FAAP20: variants seen among roughly 807,000 people sequenced by gnomAD.
FAAP20 encodes the protein Fanconi anemia core complex-associated protein 20.
Under a neutral mutation model 16.2 loss-of-function variants are expected in FAAP20, and 12 were observed. That is an observed-to-expected ratio of 0.74 (90% confidence interval 0.48 to 1.20). The LOEUF is 1.20. Ranked by LOEUF, FAAP20 falls within the 50% of genes most tolerant of loss-of-function variation. The probability of loss-of-function intolerance (pLI) is 0.00; values close to 1 mark genes in which losing one functional copy is unlikely to be tolerated. For missense variants in FAAP20, 288 were observed against 245.8 expected, an observed-to-expected ratio of 1.17 and a Z score of -1.15; for synonymous variants, 141 against 110.7, an observed-to-expected ratio of 1.27 and a Z score of -1.72.
downstream of FAAP20, among the ~76,000 whole-genome samples, chr1:2,210,523 T>C (rs924986230): frequency 6.6e-5 from 10 of 152,240 alleles, no homozygotes; most frequent in East Asian, 1.5e-3. Flanking sequence ...CAGGCTCTGC[T>C]TCGGCAATGA....
upstream of FAAP20, among the ~76,000 whole-genome samples, chr1:2,204,803 C>A (rs1340696639): frequency 3.3e-5 from 5 of 152,266 alleles, no homozygotes; most frequent in East Asian, 9.7e-4. Context: ...CCTCCCGCCG[C>A]CGGCTCACCC....
At chr1:2,211,435 ATTTTTTTTTT>A (rs1164460550), downstream of FAAP20, among the ~76,000 whole-genome samples, 17 of 8,558 alleles carry the variant, frequency 2.0e-3, no homozygotes, top group Admixed American at 0.017. Context: ...ATATATATAT[ATTTTTTTTTT>A]TTTTTTTTTT....
downstream of FAAP20, among the ~76,000 whole-genome samples, chr1:2,188,021 T>C (rs1328155955): frequency 2.0e-5 from 3 of 152,228 alleles, no homozygotes; most frequent in Non-Finnish European, 4.4e-5. Context: ...TTCTTTCCCT[T>C]AGTGATCTGC....
chr1:2,212,398 A>C (rs971780550), exon 2 of FAAP20: 1 of 153,546 alleles, frequency 6.5e-6, no homozygotes, highest in Non-Finnish European at 1.5e-5. Flanking sequence ...GCTGCCCCCA[A>C]GGACAGACGG....
upstream of FAAP20, among the ~76,000 whole-genome samples, chr1:2,195,190 C>T (rs927121342): frequency 3.4e-4 from 52 of 152,378 alleles, no homozygotes; most frequent in African/African-American, 1.2e-3. Context: ...ACCACCGTTT[C>T]TTTACAAAAG....
intron 3 of FAAP20, chr1:2,206,264 C>T (rs1161757565): frequency 6.6e-6 from 1 of 152,324 alleles, no homozygotes; most frequent in African/African-American, 2.4e-5. Flanking sequence ...CGGGGTCCCC[C>T]TGTGTCTCCT....
chr1:2,185,673 A>G (rs79836022), downstream of FAAP20, among the ~76,000 whole-genome samples: 183 of 152,310 alleles, frequency 1.2e-3, no homozygotes, highest in African/African-American at 4.1e-3. Flanking sequence ...CGATGGGGGA[A>G]ATTGGATCAT....
chr1:2,199,391 C>CCCCAGCCCAGCCCAGCCCAG (rs909082705), upstream of FAAP20: 1 of 1,024,608 alleles, frequency 9.8e-7, no homozygotes, highest in African/African-American at 1.7e-5. This position sits in a 1 kb window ranked among gnomAD's most constrained non-coding sequence, Gnocchi z 4.5. Context: ...GGAGAAGCTT[C>CCCCAGCCCAGCCCAGCCCAG]CCCAGCCCAG....
At chr1:2,195,944 G>T (rs931649015), upstream of FAAP20, among the ~76,000 whole-genome samples, 1 of 152,206 alleles carries the variant, frequency 6.6e-6, no homozygotes, top group Non-Finnish European at 1.5e-5. Flanking sequence ...GAGATGCAGC[G>T]CTGAGTGCTG....
intron 3 of FAAP20, chr1:2,192,989 G>A (rs1173493184): frequency 1.5e-6 from 2 of 1,303,820 alleles, no homozygotes; most frequent in African/African-American, 3.0e-5. Context: ...GAAGACCAGG[G>A]GCATCAGGCA....
chr1:2,194,144 C>CAG lies in FAAP20; in HGVS notation c.63-13_63-12dup, dbSNP rs555916258. On this transcript the variant is annotated splice_polypyrimidine_tract_variant and intron_variant, in intron 1 of 3. Coordinates refer to ENST00000378546, the MANE Select transcript of FAAP20 (RefSeq NM_182533.4). Reference sequence around the variant, plus strand: ...CGGCCGCCAGAAGGCCTGGGGCAGACAGAGAGGGCAGACAGGGGGTACTCA... The same window carrying CAG: ...CGGCCGCCAGAAGGCCTGGGGCAGACAGAGAGAGGGCAGACAGGGGGTACTCA... 6.2e-7 allele frequency: 1 copy of CAG among 1,611,198 alleles called. No individual in the cohort carries two copies. The highest frequency in any genetic ancestry group is 8.5e-7 in the Non-Finnish European group (1 of 1,179,552).
chr1:2,204,506 C>A (rs529434769), upstream of FAAP20, among the ~76,000 whole-genome samples: 11 of 152,208 alleles, frequency 7.2e-5, no homozygotes, highest in Non-Finnish European at 1.5e-4. Context: ...CGTGACTTGG[C>A]GATCCCGGTG....
At chr1:2,191,462 G>C (rs1172071269) in intron 3 of FAAP20, 1 of 152,544 alleles carries the variant, frequency 6.6e-6, no homozygotes, top group Admixed American at 6.5e-5. Context: ...AAATCCCAAC[G>C]ACCGGCCGGG....
chr1:2,203,772 C>T (rs1689136381), upstream of FAAP20: 1 of 394,122 alleles, frequency 2.5e-6, no homozygotes, highest in African/African-American at 2.2e-5. Context: ...CAGGGACCAG[C>T]CTGTTCACCC....
chr1:2,195,587 G>A (rs986338854), upstream of FAAP20, among the ~76,000 whole-genome samples: 1 of 152,236 alleles, frequency 6.6e-6, no homozygotes, highest in Admixed American at 6.5e-5. Context: ...GCAGCTTTGG[G>A]GCTATGCTGG....
intron 1 of FAAP20, 52 bp from the exon 2 acceptor site, chr1:2,194,185 T>C (rs1421044614): frequency 1.3e-6 from 2 of 1,598,728 alleles, no homozygotes; most frequent in African/African-American, 1.4e-5. Context: ...GGAAACGCTA[T>C]GGTGGGGAGA....
upstream of FAAP20, chr1:2,197,968 C>G (rs748319232): frequency 7.8e-7 from 1 of 1,274,116 alleles, no homozygotes; most frequent in South Asian, 1.2e-5. Context: ...ACTCAAGACT[C>G]TCAAGACAAG....
intron 3 of FAAP20, among the ~76,000 whole-genome samples, chr1:2,205,437 G>A (rs893412813): frequency 9.9e-5 from 15 of 150,816 alleles, no homozygotes; most frequent in African/African-American, 1.9e-4. Context: ...CCACCTCGCC[G>A]CTTCAATTTC....
chr1:2,185,450 A>G (rs759139732), downstream of FAAP20: 14 of 718,468 alleles, frequency 1.9e-5, no homozygotes, highest in South Asian at 1.3e-4. Flanking sequence ...CTCAGACGCA[A>G]CCCACACGTA....
Sources: allele counts gnomAD v4.1 joint callset (sites outside exome capture counted in the v4.1 genomes callset), GRCh38; gene constraint gnomAD v4.1.1; non-coding constraint Gnocchi (gnomAD v3.1); transcripts MANE v1.5; gene names NCBI Gene and HGNC (gene_info 2026-07-23, HGNC 2026-07-21).